Variants in LDAF1 observed in about 807,000 individuals in gnomAD.
LDAF1 encodes PROMETHIN.
Under a neutral mutation model 13.5 loss-of-function variants are expected in LDAF1, and 7 were observed. That is an observed-to-expected ratio of 0.52 (90% CI 0.29 to 0.97). The LOEUF (loss-of-function observed/expected upper bound fraction) is 0.97, where lower values mean the gene tolerates loss of function less well. Among genes scored for constraint, LDAF1 ranks in the 50% least tolerant of loss-of-function variants. The pLI is 0.07. For missense variants in LDAF1, 148 were observed against 193.2 expected, an observed-to-expected ratio of 0.77 and a Z score of 1.39; for synonymous variants, 69 against 77.1, an observed-to-expected ratio of 0.89 and a Z score of 0.55.
intron 2 of LDAF1, among the ~76,000 whole-genome samples, chr16:21,161,623 G>A (rs776434176): frequency 1.3e-5 from 2 of 152,150 alleles, no homozygotes; most frequent in African/African-American, 2.4e-5. Context: ...AATGGCAAAT[G>A]CAATTCTTTA....
intron 1 of LDAF1, among the ~76,000 whole-genome samples, chr16:21,159,013 C>T (rs1283094841): frequency 4.0e-5 from 6 of 151,756 alleles, no homozygotes; most frequent in African/African-American, 1.5e-4. Context: ...CACACACACA[C>T]ATACACACAC....
At chr16:21,161,537 T>G (rs2092975012) in intron 2 of LDAF1, among the ~76,000 whole-genome samples, 1 of 152,196 alleles carries the variant, frequency 6.6e-6, no homozygotes, top group Non-Finnish European at 1.5e-5. Context: ...CCACCTACAA[T>G]TTAAGGAGAC....
chr16:21,175,720 A>G (rs762691787), intron 4 of LDAF1, among the ~76,000 whole-genome samples: 4 of 152,216 alleles, frequency 2.6e-5, no homozygotes, highest in African/African-American at 4.8e-5. Context: ...GTTTTTCTAC[A>G]AAACAGCCCT....
intron 4 of LDAF1, among the ~76,000 whole-genome samples, chr16:21,176,737 A>T (rs2093141730): frequency 6.6e-6 from 1 of 152,048 alleles, no homozygotes; most frequent in African/African-American, 2.4e-5. Flanking sequence ...CATAACATAA[A>T]TTACATTAAA....
intron 1 of LDAF1, chr16:21,159,265 C>G: frequency 1.4e-6 from 2 of 1,407,214 alleles, no homozygotes; most frequent in Non-Finnish European, 2.0e-6. Flanking sequence ...GTACTCGACT[C>G]CCCTCTGAGT....
intron 2 of LDAF1, among the ~76,000 whole-genome samples, chr16:21,166,556 G>C (rs1247176369): frequency 6.6e-6 from 1 of 152,148 alleles, no homozygotes; most frequent in East Asian, 1.9e-4. Flanking sequence ...AGCAAGCCCA[G>C]TGTCCTGGTG....
At chr16:21,159,449 C>G (rs1252216673) in intron 1 of LDAF1, 1 of 1,611,792 alleles carries the variant, frequency 6.2e-7, no homozygotes, top group South Asian at 1.1e-5. Context: ...CATCCCCCAA[C>G]CAGAGATGTG....
intron 2 of LDAF1, chr16:21,165,734 T>A: frequency 8.6e-6 from 4 of 464,748 alleles, no homozygotes; most frequent in Non-Finnish European, 1.1e-5. Flanking sequence ...TTGTTCCCTG[T>A]TTTTTTTTTC....
chr16:21,168,007 A>G (rs1471960733), intron 2 of LDAF1, among the ~76,000 whole-genome samples: 2 of 138,234 alleles, frequency 1.4e-5, no homozygotes, highest in African/African-American at 2.6e-5. Context: ...ACTCCATCTC[A>G]AAAAAAAAAA....
chr16:21,163,674 G>A (rs2092997925), intron 2 of LDAF1, among the ~76,000 whole-genome samples: 1 of 152,034 alleles, frequency 6.6e-6, no homozygotes, highest in South Asian at 2.1e-4. Context: ...AAAAAGCACT[G>A]CCAGTATTCA....
chr16:21,175,112 G>A (rs2093127214), intron 4 of LDAF1, among the ~76,000 whole-genome samples: 1 of 152,162 alleles, frequency 6.6e-6, no homozygotes, highest in African/African-American at 2.4e-5. Flanking sequence ...CCACCTAAGG[G>A]ATTTTCAAAG....
chr16:21,166,970 CTT>C, intron 2 of LDAF1: 6 of 1,484,496 alleles, frequency 4.0e-6, no homozygotes, highest in Non-Finnish European at 5.4e-6. Flanking sequence ...TCTTTGGTGG[CTT>C]TTGTCAGAAT....
chr16:21,173,969 G>C, intron 3 of LDAF1, 41 bp from the exon 4 acceptor site: 2 of 1,593,154 alleles, frequency 1.3e-6, no homozygotes, highest in Non-Finnish European at 1.7e-6. Flanking sequence ...TTTTCAACCT[G>C]TTTGAGATGA....
chr16:21,161,429 C>G, intron 2 of LDAF1, 151 bp downstream of exon 2: 1 of 895,608 alleles, frequency 1.1e-6, no homozygotes, highest in African/African-American at 1.7e-5. Context: ...ATGCTGTGAC[C>G]TTCAAACTCC....
At chr16:21,177,879 A>C (rs2093153631) in intron 4 of LDAF1, among the ~76,000 whole-genome samples, 1 of 152,068 alleles carries the variant, frequency 6.6e-6, no homozygotes, top group Admixed American at 6.6e-5. Flanking sequence ...CAGCCTCCCA[A>C]GATGCTGGGA....
chr16:21,177,627 T>TC (rs2093151043), intron 4 of LDAF1, among the ~76,000 whole-genome samples: 1 of 146,270 alleles, frequency 6.8e-6, no homozygotes. Flanking sequence ...TTCTTTTTTT[T>TC]TTTTTTTTTT....
In LDAF1 at chr16:21,159,264, T is replaced by A. The variant is rs963682342; in HGVS notation, c.-99+518T>A. The A allele has an allele frequency of 2.9e-5, 41 of 1,396,152 alleles. No homozygotes were observed. In the South Asian group the frequency reaches 3.2e-4, roughly 11 times the overall value. The allele number at this position is 1,396,152 out of a possible 1,614,324, so 86.5% of individuals were successfully genotyped here. Reference sequence around the variant, plus strand: ...CCAAATTAATAACTAAGTACTCGACTCCCCTCTGAGTTCCCATTATTCAGT... The same window carrying A: ...CCAAATTAATAACTAAGTACTCGACACCCCTCTGAGTTCCCATTATTCAGT... On this transcript the variant is annotated intron_variant, in intron 1 of 4. Transcript: ENST00000233047.
At chr16:21,159,764 G>T (rs1032199001) in intron 1 of LDAF1, 1 of 225,206 alleles carries the variant, frequency 4.4e-6, no homozygotes, top group African/African-American at 2.3e-5. Context: ...TTCGCCCCAC[G>T]CACTCTCTCA....
rs947385374 is a variant in LDAF1, at chr16:21,161,084, G to A, written c.-98-1G>A. The A allele has an allele frequency of 1.3e-6, 2 of 1,538,788 alleles. No individual in the cohort carries two copies. The highest frequency in any genetic ancestry group is 2.8e-5 in the African/African-American group (2 of 72,538). ...ACGGCTTTTGTTTCCTCTGGTAACAGCAAGAGACAGAGCGACATGAGAGAT... is the reference window on the plus strand; with the variant it reads ...ACGGCTTTTGTTTCCTCTGGTAACAACAAGAGACAGAGCGACATGAGAGAT... On this transcript the variant is annotated splice_acceptor_variant, in intron 1 of 4. Transcript: ENST00000233047. LOFTEE classifies it low-confidence loss of function (5UTR_SPLICE).
Sources: gnomAD v4.1 joint callset for allele counts (sites outside exome capture counted in the v4.1 genomes callset) on GRCh38, gnomAD v4.1.1 for gene constraint, MANE v1.5 for transcripts, NCBI Gene and HGNC (gene_info 2026-07-23, HGNC 2026-07-21) for gene names.